Variants in WDR70 observed in about 807,000 individuals in gnomAD.
WDR70 encodes the protein WD repeat-containing protein 70.
A neutral mutation model predicts 88.6 loss-of-function variants in WDR70; 53 were observed. The observed-to-expected ratio is 0.60, with a 90% CI of 0.48 to 0.75. The LOEUF is 0.75. Ranked by LOEUF, WDR70 falls within the 30% of genes least tolerant of loss-of-function variation. WDR70 has a pLI of 0.00. For missense variants in WDR70, 610 were observed against 823.2 expected (o/e 0.74, Z 3.17); for synonymous variants, 280 against 270.0 (o/e 1.04, Z -0.36).
intron 10 of WDR70, among the ~76,000 whole-genome samples, chr5:37,626,550 A>T (rs1744670637): frequency 1.3e-5 from 2 of 152,178 alleles, no homozygotes; most frequent in Non-Finnish European, 2.9e-5. Flanking sequence ...AGTGTTCATC[A>T]GGGATACTGG....
chr5:37,551,131 C>T (rs1333012127), intron 9 of WDR70, among the ~76,000 whole-genome samples: 1 of 151,820 alleles, frequency 6.6e-6, no homozygotes, highest in African/African-American at 2.4e-5. Flanking sequence ...TGGAGAAACC[C>T]CATCTCTACT....
chr5:37,610,171 C>G (rs955363245), intron 10 of WDR70, among the ~76,000 whole-genome samples: 2 of 149,640 alleles, frequency 1.3e-5, no homozygotes, highest in Non-Finnish European at 3.0e-5. Context: ...GAGGTTGATG[C>G]AGGAGAATTG....
chr5:37,468,894 T>C (rs1251202858), intron 7 of WDR70, among the ~76,000 whole-genome samples: 2 of 152,166 alleles, frequency 1.3e-5, no homozygotes, highest in East Asian at 3.8e-4. Flanking sequence ...TGTGCAAAGG[T>C]GATGTGCAAA....
chr5:37,449,590 C>CAAAAAAAAAAA (rs376148041), intron 7 of WDR70, among the ~76,000 whole-genome samples: 5 of 85,764 alleles, frequency 5.8e-5, no homozygotes, highest in South Asian at 3.9e-4. Context: ...AATTTTGTCT[C>CAAAAAAAAAAA]AAAAAAAAAA....
chr5:37,489,655 A>G (rs77117603), intron 8 of WDR70, among the ~76,000 whole-genome samples: 7,324 of 151,560 alleles, frequency 0.048, 569 homozygotes, highest in African/African-American at 0.16. Context: ...GGTAGTACAC[A>G]CTCCTGCTTG....
intron 9 of WDR70, among the ~76,000 whole-genome samples, chr5:37,522,621 TGGACAGTGGGTGCA>T (rs973726272): frequency 2.0e-5 from 3 of 152,150 alleles, no homozygotes; most frequent in Non-Finnish European, 2.9e-5. Flanking sequence ...TGGGGCTTGT[TGGACAGTGGGTGCA>T]GGACAGTGGG....
intron 10 of WDR70, among the ~76,000 whole-genome samples, chr5:37,680,210 G>T (rs1581491023): frequency 1.3e-5 from 2 of 151,536 alleles, no homozygotes; most frequent in African/African-American, 4.8e-5. Context: ...CTTTTGAGAG[G>T]TTTCTGTTCA....
chr5:37,676,089 C>T (rs1429025076), intron 10 of WDR70, among the ~76,000 whole-genome samples: 1 of 144,414 alleles, frequency 6.9e-6, no homozygotes, highest in African/African-American at 2.5e-5. Context: ...GATTTTGTAT[C>T]CTGAGACTTT....
chr5:37,652,147 T>C (rs1177807194), intron 10 of WDR70, among the ~76,000 whole-genome samples: 4 of 152,254 alleles, frequency 2.6e-5, no homozygotes, highest in African/African-American at 4.8e-5. Flanking sequence ...AGTTTCAGTT[T>C]TCTGCATATG....
At chr5:37,679,677 C>G (rs983815394) in intron 10 of WDR70, among the ~76,000 whole-genome samples, 1 of 152,106 alleles carries the variant, frequency 6.6e-6, no homozygotes, top group African/African-American at 2.4e-5. Context: ...GCTTGGGGGT[C>G]AGGGATCAGG....
chr5:37,472,750 C>T (rs906135031), intron 7 of WDR70, among the ~76,000 whole-genome samples: 4 of 152,028 alleles, frequency 2.6e-5, no homozygotes, highest in Admixed American at 6.5e-5. Context: ...CTGCCCACCT[C>T]GGCCTCCCAC....
intron 8 of WDR70, chr5:37,505,822 C>G: frequency 7.2e-7 from 1 of 1,388,366 alleles, no homozygotes; most frequent in Non-Finnish European, 1.0e-6. Context: ...TTGGTTCCTG[C>G]CAGAGTTGCT....
chr5:37,516,543 A>C lies in WDR70; in HGVS notation c.870A>C (p.Ser290=), dbSNP rs1411507982. 1 of 1,606,144 alleles carries C rather than the reference A, an allele frequency of 6.2e-7. No individual in the cohort carries two copies. The highest frequency in any genetic ancestry group is 1.3e-5 in the African/African-American group (1 of 74,842). ...KGHTAMLHTG[S]WHPKIKGEFM... The stretch of plus-strand genomic sequence containing the variant: ...ATACAGCAATGCTTCATACTGGCTC[A>C]TGGCATCCCAAAATAAAGGGAGAAT... Residue 290 remains serine (S), a synonymous_variant, in exon 9 of 18, where the codon TCA becomes TCC. Transcript: ENST00000265107.
intron 11 of WDR70, 75 bp from the exon 12 acceptor site, chr5:37,700,983 G>T: frequency 1.2e-6 from 1 of 854,294 alleles, no homozygotes; most frequent in South Asian, 1.4e-5. Context: ...AAGTTTAGCA[G>T]ACTCTAAACT....
At chr5:37,569,557 A>G (rs936684097) in intron 9 of WDR70, among the ~76,000 whole-genome samples, 2 of 152,180 alleles carry the variant, frequency 1.3e-5, no homozygotes, top group Non-Finnish European at 2.9e-5. Context: ...GTCCCTTGTC[A>G]TCTTGTACTC....
chr5:37,398,158 C>T lies in WDR70; in HGVS notation c.492+1588C>T, dbSNP rs141686121. Reference sequence around the variant, plus strand: ...GGCTGGAATGTGGTGGCGCCATCTCCGCTCACTGCAAGCTTCGCCTCCCGG... The same window carrying T: ...GGCTGGAATGTGGTGGCGCCATCTCTGCTCACTGCAAGCTTCGCCTCCCGG... On this transcript the variant is annotated intron_variant, in intron 5 of 17. Coordinates refer to ENST00000265107, the MANE Select transcript of WDR70 (RefSeq NM_018034.4). Among the ~76,000 whole-genome samples, 437 of 145,678 alleles carry T rather than the reference C, an allele frequency of 3.0e-3. 4 individuals are homozygous for T. The highest frequency in any genetic ancestry group is 0.01 in the African/African-American group (397 of 39,004).
At chr5:37,663,799 T>A (rs1333966258) in intron 10 of WDR70, among the ~76,000 whole-genome samples, 2 of 152,210 alleles carry the variant, frequency 1.3e-5, no homozygotes, top group East Asian at 3.8e-4. Context: ...TCCCCACTAA[T>A]CCTTCCACCT....
intron 5 of WDR70, among the ~76,000 whole-genome samples, chr5:37,423,804 C>T (rs1328493634): frequency 7.5e-5 from 11 of 147,514 alleles, no homozygotes; most frequent in Non-Finnish European, 1.4e-4. Context: ...CCTCGTGGTC[C>T]GCCCGCCTCG....
intron 7 of WDR70, among the ~76,000 whole-genome samples, chr5:37,447,448 A>G (rs1313166923): frequency 3.3e-5 from 5 of 152,204 alleles, no homozygotes; most frequent in African/African-American, 1.2e-4. Context: ...TATATACCCA[A>G]AGGATTATAA....
Sources: gnomAD v4.1 joint callset for allele counts (sites outside exome capture counted in the v4.1 genomes callset) on GRCh38, gnomAD v4.1.1 for gene constraint, MANE v1.5 for transcripts, NCBI Gene and HGNC (gene_info 2026-07-23, HGNC 2026-07-21) for gene names.